ARMC2: variants seen among roughly 807,000 people sequenced by gnomAD.
ARMC2 encodes the protein armadillo repeat-containing protein 2.
Under a neutral mutation model 90.3 loss-of-function variants are expected in ARMC2, and 67 were observed. The observed-to-expected ratio is 0.74, with a 90% CI of 0.61 to 0.91. The LOEUF is 0.91. Among genes scored for constraint, ARMC2 ranks in the 40% least tolerant of loss-of-function variants. The pLI, the probability that ARMC2 is intolerant of heterozygous loss-of-function variation, is 0.00. For synonymous variants in ARMC2, 393 were observed against 393.0 expected (o/e 1.00, Z 0.00); for missense variants, 920 against 1,030.9 (o/e 0.89, Z 1.47).
At chr6:108,998,230 C>T in the ARMC2 span, among the ~76,000 whole-genome samples, 59 of 152,274 alleles carry the variant, frequency 3.9e-4, no homozygotes, top group African/African-American at 1.2e-3. Flanking sequence ...TTGGTCCTGA[C>T]GGGACACATG....
rs560830853 is a variant in ARMC2 at position 108,894,831 on chromosome 6, A to G, written c.748+288A>G. On this transcript the variant is annotated intron_variant, in intron 6 of 17. Coordinates refer to ENST00000392644, the MANE Select transcript of ARMC2 (RefSeq NM_032131.6). ...GCCCAGGCTGGAGTGCAGTGGTGCA[A>G]TCTCGGCTCACTGCAAGCTCCACCT... Among the ~76,000 whole-genome samples the G allele has an allele frequency of 1.2e-3, 178 of 142,408 alleles. No homozygotes were observed. The Middle Eastern group carries it at 0.015, about 12-fold the overall frequency. 93.4% of individuals were successfully genotyped at this position (142,408 alleles called of 152,430 possible).
the ARMC2 span, among the ~76,000 whole-genome samples, chr6:109,046,735 G>A: frequency 3.8e-5 from 5 of 131,240 alleles, no homozygotes; most frequent in African/African-American, 5.8e-5. Flanking sequence ...CTGCCCCGCC[G>A]CCCCATCTGG....
the ARMC2 span, chr6:108,986,836 C>T: frequency 6.6e-6 from 1 of 152,218 alleles, no homozygotes; most frequent in Non-Finnish European, 1.5e-5. Flanking sequence ...ATAATTTACA[C>T]ACTTTCATTT....
At chr6:108,975,158 C>T (rs1402384214), downstream of ARMC2, among the ~76,000 whole-genome samples, 2 of 151,990 alleles carry the variant, frequency 1.3e-5, no homozygotes, top group Non-Finnish European at 2.9e-5. Flanking sequence ...CTCCCCTAGC[C>T]CCCAACCCCC....
chr6:108,895,489 A>AG (rs1487918662), intron 6 of ARMC2, among the ~76,000 whole-genome samples: 1 of 151,190 alleles, frequency 6.6e-6, no homozygotes, highest in African/African-American at 2.4e-5. Context: ...TCTCAAAAAA[A>AG]AAAAAAAAAA....
Position 108,894,851 on chromosome 6 carries a change from C to T in ARMC2, c.748+308C>T, listed in dbSNP as rs532741809. Among the ~76,000 whole-genome samples the T allele has an allele frequency of 2.7e-5, 4 of 147,714 alleles. 1 individual carries two copies. The highest frequency in any genetic ancestry group is 5.9e-5 in the Non-Finnish European group (4 of 67,280). ...GTGCAATCTCGGCTCACTGCAAGCT[C>T]CACCTCCCAGGTTCATGCCATTCTC... On this transcript the variant is annotated intron_variant, in intron 6 of 17. Transcript: ENST00000392644.
At chr6:108,891,823 T>G (rs1460518199) in intron 5 of ARMC2, among the ~76,000 whole-genome samples, 2 of 152,270 alleles carry the variant, frequency 1.3e-5, no homozygotes, top group Admixed American at 6.5e-5. Flanking sequence ...TCTTTGCCCA[T>G]GCCTATGTCC....
intron 4 of ARMC2, among the ~76,000 whole-genome samples, chr6:108,874,669 A>G (rs1390208584): frequency 6.6e-5 from 10 of 152,110 alleles, no homozygotes; most frequent in Non-Finnish European, 1.5e-5. Context: ...GGGACCATGG[A>G]AGGTGGTGTG....
chr6:108,888,896 C>G (rs1319373214), intron 5 of ARMC2, among the ~76,000 whole-genome samples: 1 of 152,156 alleles, frequency 6.6e-6, no homozygotes, highest in Non-Finnish European at 1.5e-5. Flanking sequence ...ACATTGCACA[C>G]CCCCAAATCG....
intron 12 of ARMC2, among the ~76,000 whole-genome samples, chr6:108,942,217 T>G (rs1776498272): frequency 6.6e-6 from 1 of 152,238 alleles, no homozygotes; most frequent in Non-Finnish European, 1.5e-5. Flanking sequence ...GTGAAATGCT[T>G]TGGCACCTGT....
chr6:108,978,420 T>G (rs1410638624), downstream of ARMC2, among the ~76,000 whole-genome samples: 2 of 152,174 alleles, frequency 1.3e-5, no homozygotes, highest in African/African-American at 4.8e-5. Flanking sequence ...TCCAACTATG[T>G]GGTCAATTTT....
intron 12 of ARMC2, among the ~76,000 whole-genome samples, chr6:108,946,728 T>C (rs1210519463): frequency 6.6e-6 from 1 of 152,244 alleles, no homozygotes; most frequent in Non-Finnish European, 1.5e-5. Context: ...CAACCCATTC[T>C]TACAAATTTT....
intron 4 of ARMC2, among the ~76,000 whole-genome samples, chr6:108,869,277 G>A (rs912624742): frequency 6.6e-6 from 1 of 152,244 alleles, no homozygotes; most frequent in African/African-American, 2.4e-5. Flanking sequence ...GGAGGCCAAA[G>A]CGGCCAGATC....
At chr6:108,879,334 A>G (rs1179736675) in intron 5 of ARMC2, among the ~76,000 whole-genome samples, 2 of 149,172 alleles carry the variant, frequency 1.3e-5, no homozygotes, top group East Asian at 4.0e-4. Context: ...ATATCTACCC[A>G]TCTGTCTACC....
At chr6:109,046,767 C>T in the ARMC2 span, among the ~76,000 whole-genome samples, 4 of 139,370 alleles carry the variant, frequency 2.9e-5, no homozygotes, top group South Asian at 2.6e-4. Flanking sequence ...TGCCTCTGCC[C>T]GGCCGAGACC....
chr6:108,971,819 G>A (rs985553831), intron 17 of ARMC2, among the ~76,000 whole-genome samples: 5 of 151,870 alleles, frequency 3.3e-5, no homozygotes, highest in Admixed American at 1.3e-4. Context: ...TGCTCAGGAG[G>A]CTGAGGCAGA....
rs1583025513 is a variant in ARMC2 at position 108,890,222 on chromosome 6, A to ACAAACAAAC, written c.672-4245_672-4244insCAAACAAAC. ...AAAAAAAAAAAAAAAAAAAAAAAAA[A>ACAAACAAAC]AAAAAAACAGTGGTTTCTTAGTTCC... On this transcript the variant is annotated intron_variant, in intron 5 of 17. Transcript: ENST00000392644. 3.4e-5 allele frequency among the ~76,000 whole-genome samples: 4 copies of ACAAACAAAC among 117,314 alleles called. 1 individual carries two copies. In the East Asian group the frequency reaches 1.0e-3, roughly 31 times the overall value. The allele number at this position is 117,314 out of a possible 152,430, so 77.0% of individuals were successfully genotyped here. A position where few individuals can be genotyped will look rare whatever the true frequency, so the allele number is the denominator to read the frequency against.
chr6:108,912,048 G>A (rs1261365151), intron 9 of ARMC2, among the ~76,000 whole-genome samples: 1 of 151,746 alleles, frequency 6.6e-6, no homozygotes, highest in Non-Finnish European at 1.5e-5. Flanking sequence ...AAAAAATAAA[G>A]GTCAATAAAT....
At chr6:108,936,444 T>C (rs1775967751) in intron 11 of ARMC2, among the ~76,000 whole-genome samples, 1 of 152,036 alleles carries the variant, frequency 6.6e-6, no homozygotes, top group Non-Finnish European at 1.5e-5. Flanking sequence ...TTTGTAGAGA[T>C]GGGGTTTCAC....
Sources: allele counts gnomAD v4.1 joint callset (sites outside exome capture counted in the v4.1 genomes callset), GRCh38; gene constraint gnomAD v4.1.1; transcripts MANE v1.5; gene names NCBI Gene and HGNC (gene_info 2026-07-23, HGNC 2026-07-21).